The following PLPPR1 variants were observed in gnomAD, a reference collection of about 807,000 sequenced individuals.
The protein encoded by PLPPR1 is phospholipid phosphatase related 1.
A neutral mutation model predicts 33.1 loss-of-function variants in PLPPR1; 10 were observed. The observed-to-expected ratio is 0.30, with a 90% CI of 0.19 to 0.51. The LOEUF is 0.51. Ranked by LOEUF, PLPPR1 falls within the 20% of genes least tolerant of loss-of-function variation. PLPPR1 has a pLI of 0.97. For synonymous variants in PLPPR1, 151 were observed against 151.0 expected, an observed-to-expected ratio of 1.00 and a Z score of 0.00; for missense variants, 304 against 408.1, an observed-to-expected ratio of 0.74 and a Z score of 2.20.
At chr9:101,032,778 A>T (rs1450855202) in intron 1 of PLPPR1, among the ~76,000 whole-genome samples, 1 of 152,202 alleles carries the variant, frequency 6.6e-6, no homozygotes, top group Admixed American at 6.5e-5. Flanking sequence ...AATCAAAACA[A>T]AAAACATATT....
At position 101,318,760 on chromosome 9, in the gene PLPPR1, T is replaced by A. The variant is rs117718166; in HGVS notation, c.945+1264T>A. Among the ~76,000 whole-genome samples, 597 of 146,142 alleles carry A rather than the reference T, an allele frequency of 4.1e-3. 1 individual carries two copies. Among genetic ancestry groups the A allele is most frequent in the Non-Finnish European group, 4.6e-3 (307 of 67,104 alleles). On this transcript the variant is annotated intron_variant, in intron 7 of 7. Coordinates refer to ENST00000374874, the MANE Select transcript of PLPPR1 (RefSeq NM_207299.2). ...CTGCACTCTAGGCTGGGTGACAGAG[T>A]GAGACCCTATCTCAAAAAAAAACAA...
intron 2 of PLPPR1, among the ~76,000 whole-genome samples, chr9:101,219,814 A>G (rs1415383631): frequency 6.6e-6 from 1 of 152,214 alleles, no homozygotes; most frequent in Admixed American, 6.5e-5. Context: ...GCATTACCTC[A>G]GCTGGGCTCT....
intron 1 of PLPPR1, among the ~76,000 whole-genome samples, chr9:101,149,162 G>C (rs1157130147): frequency 6.6e-6 from 1 of 152,174 alleles, no homozygotes; most frequent in Non-Finnish European, 1.5e-5. Flanking sequence ...GTGTGAGATA[G>C]TGGGAAAACA....
chr9:101,284,614 TGC>T (rs1828359053), intron 3 of PLPPR1, among the ~76,000 whole-genome samples: 1 of 152,198 alleles, frequency 6.6e-6, no homozygotes, highest in Non-Finnish European at 1.5e-5. Context: ...GTTCTAGAGA[TGC>T]TTCAGATACT....
At chr9:101,029,667 C>T (rs1829917257) in intron 1 of PLPPR1, among the ~76,000 whole-genome samples, 2 of 152,208 alleles carry the variant, frequency 1.3e-5, no homozygotes, top group South Asian at 4.1e-4. Context: ...GAGGGGCGGC[C>T]TTCGGCTTTC....
rs191152227 is a variant in PLPPR1 at position 101,177,355 on chromosome 9, C to A, written c.-45-8095C>A. On this transcript the variant is annotated intron_variant, in intron 1 of 7. Coordinates refer to ENST00000374874, the MANE Select transcript of PLPPR1 (RefSeq NM_207299.2). ...TAAATTTATTCCTAAGTATTGTATT[C>A]TTTTTCAATGCTATTGTGAATTGAC... 3.9e-5 allele frequency among the ~76,000 whole-genome samples: 6 copies of A among 152,154 alleles called. No homozygotes were observed. The East Asian group carries it at 1.2e-3, about 29-fold the overall frequency.
chr9:101,058,587 T>C (rs1306101773), intron 1 of PLPPR1, among the ~76,000 whole-genome samples: 1 of 152,194 alleles, frequency 6.6e-6, no homozygotes, highest in Non-Finnish European at 1.5e-5. Flanking sequence ...GACATCTTAC[T>C]GTTAATTGTG....
intron 4 of PLPPR1, among the ~76,000 whole-genome samples, chr9:101,289,607 G>C (rs112655311): frequency 0.025 from 3,828 of 152,294 alleles, 174 homozygotes; most frequent in African/African-American, 0.088. Context: ...TCATGGTAGT[G>C]AATAAGTCTC....
chr9:101,048,315 G>A (rs1361564114), intron 1 of PLPPR1, among the ~76,000 whole-genome samples: 1 of 152,150 alleles, frequency 6.6e-6, no homozygotes, highest in African/African-American at 2.4e-5. Flanking sequence ...TCACTGGGAA[G>A]ACAAAAGGCA....
rs893550025 is a variant in PLPPR1, at chr9:101,175,574, T to A, written c.-45-9876T>A. Among the ~76,000 whole-genome samples, 10 of 152,078 alleles carry A rather than the reference T, an allele frequency of 6.6e-5. 1 individual carries two copies. In the South Asian group the frequency reaches 2.1e-3, roughly 32 times the overall value. On this transcript the variant is annotated intron_variant, in intron 1 of 7. Transcript: ENST00000374874. ...TGCCTATGATACATTGTTATATTTG[T>A]TTATATATTTTTCAGTCTCTTCTTG...
chr9:101,130,144 T>A (rs1226626588), intron 1 of PLPPR1, among the ~76,000 whole-genome samples: 1 of 152,188 alleles, frequency 6.6e-6, no homozygotes, highest in African/African-American at 2.4e-5. Flanking sequence ...AATTTACACT[T>A]TAAATATGTT....
intron 1 of PLPPR1, among the ~76,000 whole-genome samples, chr9:101,092,757 A>G (rs1458600936): frequency 6.6e-6 from 1 of 152,128 alleles, no homozygotes; most frequent in Non-Finnish European, 1.5e-5. Context: ...TGTCCCCTCA[A>G]AATCCATCTA....
chr9:101,041,783 G>C (rs574738763), intron 1 of PLPPR1, among the ~76,000 whole-genome samples: 2 of 152,120 alleles, frequency 1.3e-5, no homozygotes, highest in Admixed American at 1.3e-4. Context: ...CTGAGTCTCC[G>C]TCTCTGTGGA....
intron 1 of PLPPR1, among the ~76,000 whole-genome samples, chr9:101,052,476 A>G (rs1396480939): frequency 1.3e-5 from 2 of 152,224 alleles, no homozygotes; most frequent in Non-Finnish European, 2.9e-5. Flanking sequence ...TTTATAATCA[A>G]TAGTGGAATG....
intron 1 of PLPPR1, among the ~76,000 whole-genome samples, chr9:101,184,171 G>A (rs1411842964): frequency 6.6e-6 from 1 of 151,554 alleles, no homozygotes; most frequent in African/African-American, 2.4e-5. Context: ...CATGTAGTAT[G>A]GGTATGATTT....
rs1012359150 is a variant in PLPPR1, at chr9:101,280,017, T to C, written c.253-6087T>C. On this transcript the variant is annotated intron_variant, in intron 3 of 7. Coordinates refer to ENST00000374874, the MANE Select transcript of PLPPR1 (RefSeq NM_207299.2). ...AAAGATCGATTAAATGAAAAGTTGG[T>C]TTTTTGAAAGGATAACTGACAAACA... Among the ~76,000 whole-genome samples, 3 of 151,950 alleles carry C rather than the reference T, an allele frequency of 2.0e-5. No individual in the cohort carries two copies. The South Asian group carries it at 6.2e-4, about 31-fold the overall frequency.
At chr9:101,291,291 C>A (rs140747962) in intron 4 of PLPPR1, among the ~76,000 whole-genome samples, 1 of 152,210 alleles carries the variant, frequency 6.6e-6, no homozygotes, top group Admixed American at 6.5e-5. Flanking sequence ...CCGGGAAGCT[C>A]GAACTGGGTG....
intron 1 of PLPPR1, among the ~76,000 whole-genome samples, chr9:101,096,243 G>C (rs1304677744): frequency 6.6e-5 from 10 of 152,134 alleles, no homozygotes; most frequent in Admixed American, 6.5e-4. Flanking sequence ...AAGGGCCTGG[G>C]GGCCATAGAG....
chr9:101,286,203 A>G lies in PLPPR1; in HGVS notation c.352A>G (p.Asn118Asp). The G allele has an allele frequency of 6.2e-7, 1 of 1,613,914 alleles. No homozygotes were observed. Among genetic ancestry groups the G allele is most frequent in the Non-Finnish European group, 8.5e-7 (1 of 1,179,812 alleles). Residue 118 changes from asparagine to aspartate, a missense_variant, in exon 4 of 8, where the codon AAC becomes GAC. Physicochemically the swap from Asn to Asp is conservative, Grantham distance 23. Coordinates refer to ENST00000374874, the MANE Select transcript of PLPPR1 (RefSeq NM_207299.2). Reference protein sequence around the residue: ...TILTGECCYLNPLLRRIIRFT... With the variant: ...TILTGECCYLDPLLRRIIRFT... ...TCTGACCGGAGAATGCTGTTACCTGAACCCCTTACTTCGAAGGATCATAAG... is the reference window on the plus strand; with the variant it reads ...TCTGACCGGAGAATGCTGTTACCTGGACCCCTTACTTCGAAGGATCATAAG...
Sources: allele counts gnomAD v4.1 joint callset (sites outside exome capture counted in the v4.1 genomes callset), GRCh38; gene constraint gnomAD v4.1.1; transcripts MANE v1.5; gene names NCBI Gene and HGNC (gene_info 2026-07-23, HGNC 2026-07-21).